The following MYRFL variants were observed in gnomAD, a reference collection of about 807,000 sequenced individuals.
The protein encoded by MYRFL is myelin regulatory factor-like protein.
A neutral mutation model predicts 109.4 loss-of-function variants in MYRFL; 88 were observed. That is an observed-to-expected ratio of 0.80 (90% CI 0.68 to 0.96). The LOEUF is 0.96. MYRFL is among the 40% of genes least tolerant of loss of function. The pLI, the probability that MYRFL is intolerant of heterozygous loss-of-function variation, is 0.00. For missense variants in MYRFL, 957 were observed against 954.9 expected (o/e 1.00, Z -0.03); for synonymous variants, 324 against 320.9 (o/e 1.01, Z -0.10).
chr12:69,957,724 G>A, intron 22 of MYRFL, 98 bp from the exon 23 acceptor site: 1 of 1,381,076 alleles, frequency 7.2e-7, no homozygotes, highest in Non-Finnish European at 9.5e-7. Flanking sequence ...GGATTTCCAA[G>A]TTACGTTCCC....
rs1418039630 is a variant in MYRFL, at chr12:69,943,992, T to C, written c.2224+7360T>C. Among the ~76,000 whole-genome samples the C allele has an allele frequency of 4.0e-3, 591 of 148,172 alleles. 3 individuals carry two copies. The highest frequency in any genetic ancestry group is 0.014 in the African/African-American group (568 of 40,226). On this transcript the variant is annotated intron_variant, in intron 19 of 24. Transcript: ENST00000552032. ...ATCAAAACCACAATGAGATACCATC[T>C]CACACCAGTTAGAATGGCAATCATT... is the stretch of plus-strand genomic sequence containing the variant.
chr12:69,932,704 A>C, intron 16 of MYRFL, 106 bp downstream of exon 16: 1 of 821,678 alleles, frequency 1.2e-6, no homozygotes, highest in Non-Finnish European at 1.9e-6. Flanking sequence ...TGAAGACAAG[A>C]AGCCCTTTAA....
rs1956130744 is a variant in MYRFL, at chr12:69,957,922, A to C, written c.2551A>C (p.Ile851Leu). The change falls in exon 23 of 25, where the codon ATC becomes CTC. Residue 851 changes from isoleucine (I) to leucine (L), a missense_variant. Coordinates refer to ENST00000552032, the MANE Select transcript of MYRFL (RefSeq NM_182530.3). Reference protein sequence around the residue: ...GTKGLESHREISQEMTQGYQH... With the variant: ...GTKGLESHRELSQEMTQGYQH... The stretch of plus-strand genomic sequence containing the variant: ...CAAAGGGCTGGAAAGCCACAGAGAA[A>C]TCTCCCAGGAGATGACACAGGTAAT... 1.3e-6 allele frequency: 2 copies of C among 1,534,270 alleles called. No individual in the cohort carries two copies. Among genetic ancestry groups the C allele is most frequent in the East Asian group, 4.9e-5 (2 of 40,858 alleles).
intron 1 of MYRFL, among the ~76,000 whole-genome samples, chr12:69,835,705 T>C (rs945373970): frequency 6.6e-5 from 10 of 152,172 alleles, no homozygotes; most frequent in African/African-American, 2.2e-4. Context: ...ATAAGTCTCA[T>C]GAAAGTTCCT....
intron 13 of MYRFL, among the ~76,000 whole-genome samples, chr12:69,922,835 T>C (rs1220763788): frequency 2.0e-5 from 3 of 152,186 alleles, no homozygotes; most frequent in African/African-American, 7.2e-5. Context: ...TAGTAGACAT[T>C]GAGGATTATT....
intron 2 of MYRFL, among the ~76,000 whole-genome samples, chr12:69,871,313 A>G (rs188476064): frequency 3.3e-5 from 5 of 150,766 alleles, no homozygotes; most frequent in Admixed American, 6.6e-5. Context: ...GCTCACTGCA[A>G]GCTCCGCCTC....
intron 2 of MYRFL, among the ~76,000 whole-genome samples, chr12:69,865,045 G>T (rs1272328610): frequency 1.3e-5 from 2 of 152,192 alleles, no homozygotes; most frequent in Non-Finnish European, 2.9e-5. Flanking sequence ...TCAAAGAGCT[G>T]TCTTTTACAG....
chr12:69,877,259 G>A (rs1194095291), intron 2 of MYRFL, among the ~76,000 whole-genome samples: 1 of 151,934 alleles, frequency 6.6e-6, no homozygotes, highest in Non-Finnish European at 1.5e-5. Flanking sequence ...TCCTGACCTC[G>A]TGATCCGCCC....
chr12:69,939,522 C>G (rs1171088384), intron 19 of MYRFL, among the ~76,000 whole-genome samples: 1 of 152,050 alleles, frequency 6.6e-6, no homozygotes, highest in Non-Finnish European at 1.5e-5. Flanking sequence ...AAAGGACATC[C>G]ACACCAAAAA....
At chr12:69,826,460 C>A (rs923878989) in intron 1 of MYRFL, among the ~76,000 whole-genome samples, 4 of 152,028 alleles carry the variant, frequency 2.6e-5, no homozygotes, top group African/African-American at 9.7e-5. Context: ...TCTACCATTG[C>A]ATCTATTTTA....
Position 69,936,468 on chromosome 12 carries a change from T to G in MYRFL, c.2060T>G (p.Leu687Arg), listed in dbSNP as rs1240896656. The change falls in exon 19 of 25, where the codon CTG (leucine) becomes CGG (arginine). Residue 687 changes from leucine (L) to arginine (R), a missense_variant. Leu to Arg is a moderately radical substitution (Grantham distance 102, BLOSUM62 -2). Transcript: ENST00000552032. Reference protein sequence around the residue: ...TASSSAPNTSLVTTPASLQVP... With the variant: ...TASSSAPNTSRVTTPASLQVP... The stretch of plus-strand genomic sequence containing the variant: ...TGCCTTGCAGCACCTAATACATCCC[T>G]GGTAACCACACCGGCCTCCTTACAA... 1 of 1,535,622 alleles carries G rather than the reference T, an allele frequency of 6.5e-7. No homozygotes were observed. Among genetic ancestry groups the G allele is most frequent in the Non-Finnish European group, 8.7e-7 (1 of 1,146,714 alleles).
intron 2 of MYRFL, among the ~76,000 whole-genome samples, chr12:69,871,116 A>C (rs1592731370): frequency 6.6e-6 from 1 of 152,208 alleles, no homozygotes; most frequent in Non-Finnish European, 1.5e-5. Context: ...TTAAGAAGTC[A>C]AATGATACTG....
In MYRFL at chr12:69,957,871, A is replaced by ATAT; in HGVS notation, c.2501_2503dup (p.Ile834_Cys835insLeu). ...CCAGTGCAAATTCACCCTTGGAAAT[A>ATAT]TATGTTTCCATAGTAAAAGGGGAAC... On this transcript the variant is annotated inframe_insertion, in exon 23 of 25. Transcript: ENST00000552032. The ATAT allele has an allele frequency of 6.5e-7, 1 of 1,535,138 alleles. No individual in the cohort carries two copies. The highest frequency in any genetic ancestry group is 8.7e-7 in the Non-Finnish European group (1 of 1,146,116).
intron 19 of MYRFL, among the ~76,000 whole-genome samples, chr12:69,938,655 TA>T (rs964032642): frequency 2.8e-4 from 43 of 151,662 alleles, no homozygotes; most frequent in South Asian, 1.0e-3. Flanking sequence ...GGTTTAAAAG[TA>T]AAAAAAAATT....
At chr12:69,930,522 G>T (rs1955237146) in intron 15 of MYRFL, among the ~76,000 whole-genome samples, 1 of 152,036 alleles carries the variant, frequency 6.6e-6, no homozygotes, top group Admixed American at 6.6e-5. Flanking sequence ...AGAGGGAAAG[G>T]GAAAGAATGA....
intron 13 of MYRFL, among the ~76,000 whole-genome samples, chr12:69,914,980 C>T (rs917539980): frequency 9.9e-5 from 15 of 152,144 alleles, no homozygotes; most frequent in East Asian, 1.9e-4. Context: ...AGGAGAAGCC[C>T]GGCAGTGTGC....
chr12:69,927,863 A>G, intron 15 of MYRFL, 115 bp downstream of exon 15: 1 of 916,272 alleles, frequency 1.1e-6, no homozygotes, highest in Non-Finnish European at 1.6e-6. Context: ...CCTAGTTTGC[A>G]TCCTTATGTA....
intron 19 of MYRFL, among the ~76,000 whole-genome samples, chr12:69,940,408 A>T (rs1451546834): frequency 6.6e-6 from 1 of 150,534 alleles, no homozygotes; most frequent in African/African-American, 2.4e-5. Flanking sequence ...CAACATTCTT[A>T]AAGAAAATAA....
intron 1 of MYRFL, among the ~76,000 whole-genome samples, chr12:69,827,720 G>A (rs933797377): frequency 3.9e-5 from 6 of 152,074 alleles, no homozygotes; most frequent in Non-Finnish European, 7.4e-5. Context: ...ATATTTTATG[G>A]CTATTAAAAA....
Sources: gnomAD v4.1 joint callset for allele counts (sites outside exome capture counted in the v4.1 genomes callset) on GRCh38, gnomAD v4.1.1 for gene constraint, MANE v1.5 for transcripts, NCBI Gene and HGNC (gene_info 2026-07-23, HGNC 2026-07-21) for gene names.